P2RY6: variants seen among roughly 807,000 people sequenced by gnomAD.
The protein encoded by P2RY6 is pyrimidinergic receptor P2Y6.
P2RY6 carries 19 observed loss-of-function variants against 16.3 expected under a neutral mutation model. That is an observed-to-expected ratio of 1.16 (90% confidence interval 0.81 to 1.71). The LOEUF (loss-of-function observed/expected upper bound fraction) is 1.71. Among genes scored for constraint, P2RY6 ranks in the 40% most tolerant of loss-of-function variants. The pLI is 0.00. For missense variants in P2RY6, 389 were observed against 455.5 expected (o/e 0.85, Z 1.33); for synonymous variants, 184 against 201.5 (o/e 0.91, Z 0.74).
intron 1 of P2RY6, among the ~76,000 whole-genome samples, chr11:73,278,746 A>G (rs1275894393): frequency 6.6e-6 from 1 of 152,084 alleles, no homozygotes; most frequent in Middle Eastern, 3.2e-3. Context: ...TATATATCAC[A>G]TTTTATTTAT....
At chr11:73,283,365 C>T (rs1863839751) in intron 1 of P2RY6, among the ~76,000 whole-genome samples, 1 of 152,162 alleles carries the variant, frequency 6.6e-6, no homozygotes, top group Non-Finnish European at 1.5e-5. Context: ...CCAGTCACCT[C>T]CCTAATCCCC....
In P2RY6 at chr11:73,292,712, G is replaced by A. The variant is rs369209907; in HGVS notation, c.-120-3018G>A. 1.1e-4 allele frequency: 77 copies of A among 730,560 alleles called. 1 individual carries two copies. The highest frequency in any genetic ancestry group is 2.6e-4 in the East Asian group (2 of 7,620). 45.3% of individuals were successfully genotyped at this position (730,560 alleles called of 1,614,324 possible). On this transcript the variant is annotated intron_variant, in intron 1 of 2. Coordinates refer to ENST00000540124, the MANE Select transcript of P2RY6 (RefSeq NM_001277204.2). ...GCCCAGTTTCCGCCAGGCACTAGGC[G>A]TGGTGTTGGGGATGGCAGGGAGCCG...
chr11:73,296,700 C>T lies in P2RY6; in HGVS notation c.182C>T (p.Thr61Met), dbSNP rs146196636. ...ICTSRRALTR[T>M]AVYTLNLALA... is the part of the protein sequence containing the mutation. ...ACGTCCCGCCGGGCCCTGACCCGCACGGCCGTGTACACCCTAAACCTTGCT... is the reference window on the plus strand; with the variant it reads ...ACGTCCCGCCGGGCCCTGACCCGCATGGCCGTGTACACCCTAAACCTTGCT... Residue 61 changes from threonine to methionine, a missense_variant, in exon 3 of 3, where the codon ACG (threonine) becomes ATG (methionine). Physicochemically the swap from Thr to Met is moderately conservative, Grantham distance 81 (BLOSUM62 -1). Transcript: ENST00000540124. 1.9e-4 allele frequency: 301 copies of T among 1,613,864 alleles called. No homozygotes were observed. The highest frequency in any genetic ancestry group is 2.4e-4 in the Non-Finnish European group (281 of 1,180,002).
In P2RY6 at chr11:73,272,398, G is replaced by T. The variant is rs1863350589; in HGVS notation, c.-189G>T. 2 of 985,510 alleles carry T rather than the reference G, an allele frequency of 2.0e-6. No homozygotes were observed. The highest frequency in any genetic ancestry group is 1.1e-4 in the East Asian group (1 of 8,824). 61.0% of individuals were successfully genotyped at this position (985,510 alleles called of 1,614,324 possible). A position where few individuals can be genotyped will look rare whatever the true frequency, so the allele number is the denominator to read the frequency against. ...GGCACAGAACTGACTGGCAGCAGGG[G>T]CTGCTCCACGAGTGGGAATTTGCTC... On this transcript the variant is annotated 5_prime_UTR_variant, in exon 1 of 3. Coordinates refer to ENST00000540124, the MANE Select transcript of P2RY6 (RefSeq NM_001277204.2).
intron 1 of P2RY6, among the ~76,000 whole-genome samples, chr11:73,274,034 T>A (rs927469078): frequency 6.6e-6 from 1 of 152,174 alleles, no homozygotes; most frequent in African/African-American, 2.4e-5. Flanking sequence ...GATGGGGTTT[T>A]GCTATGTTGC....
intron 1 of P2RY6, among the ~76,000 whole-genome samples, chr11:73,264,810 C>A (rs1863049496): frequency 6.6e-6 from 1 of 151,884 alleles, no homozygotes; most frequent in Non-Finnish European, 1.5e-5. Context: ...TTACTGTGAG[C>A]GCGATCTGCA....
Position 73,297,522 on chromosome 11 carries a change from G to A in P2RY6, c.*17G>A. 1.3e-6 allele frequency: 2 copies of A among 1,590,076 alleles called. No homozygotes were observed. Among genetic ancestry groups the A allele is most frequent in the Non-Finnish European group, 8.6e-7 (1 of 1,163,144 alleles). The stretch of plus-strand genomic sequence containing the variant: ...GGTCGCTGAGTCCTCCAGGTCCTGG[G>A]CAGCCTTCATATTTGCCATTGTGTC... On this transcript the variant is annotated 3_prime_UTR_variant, in exon 3 of 3. Coordinates refer to ENST00000540124, the MANE Select transcript of P2RY6 (RefSeq NM_001277204.2).
rs150908498 is a variant in P2RY6 at position 73,297,444 on chromosome 11, G to A, written c.926G>A (p.Arg309His). The A allele has an allele frequency of 5.3e-5, 85 of 1,612,286 alleles. No homozygotes were observed. The highest frequency in any genetic ancestry group is 3.3e-4 in the Middle Eastern group (2 of 6,084). Residue 309 changes from arginine (R) to histidine (H), a missense_variant, in exon 3 of 3, where the codon CGC becomes CAC. Coordinates refer to ENST00000540124, the MANE Select transcript of P2RY6 (RefSeq NM_001277204.2). The stretch of plus-strand genomic sequence containing the variant: ...TTCTACTTCACCCAGAAGAAGTTCC[G>A]CCGGCGACCACATGAGCTCCTACAG... ...ILFYFTQKKF[R>H]RRPHELLQKL...
chr11:73,297,413 A>G lies in P2RY6; in HGVS notation c.895A>G (p.Ile299Val). Reference sequence around the variant, plus strand: ...CAGTGCCAACAGCGTGCTGGACCCCATCCTCTTCTACTTCACCCAGAAGAA... The same window carrying G: ...CAGTGCCAACAGCGTGCTGGACCCCGTCCTCTTCTACTTCACCCAGAAGAA... Reference protein sequence around the residue: ...FASANSVLDPILFYFTQKKFR... With the variant: ...FASANSVLDPVLFYFTQKKFR... The change falls in exon 3 of 3, where the codon ATC becomes GTC. Residue 299 changes from isoleucine to valine, a missense_variant. Coordinates refer to ENST00000540124, the MANE Select transcript of P2RY6 (RefSeq NM_001277204.2). 6.2e-7 allele frequency: 1 copy of G among 1,612,506 alleles called. No homozygotes were observed. Among genetic ancestry groups the G allele is most frequent in the Non-Finnish European group, 8.5e-7 (1 of 1,179,998 alleles).
chr11:73,268,246 G>A (rs1863170896), upstream of P2RY6, among the ~76,000 whole-genome samples: 1 of 152,232 alleles, frequency 6.6e-6, no homozygotes, highest in Admixed American at 6.5e-5. Context: ...TTCCTATGAT[G>A]GAAGGCAAAC....
rs1194195026 is a variant in P2RY6 at position 73,296,741 on chromosome 11, T to G, written c.223T>G (p.Tyr75Asp). Residue 75 changes from tyrosine to aspartate, a missense_variant, in exon 3 of 3, where the codon TAT (tyrosine) becomes GAT (aspartate). Coordinates refer to ENST00000540124, the MANE Select transcript of P2RY6 (RefSeq NM_001277204.2). ...TLNLALADLL[Y>D]ACSLPLLIYN... ...AAACCTTGCTCTGGCTGACCTGCTA[T>G]ATGCCTGCTCCCTGCCCCTGCTCAT... The G allele has an allele frequency of 1.9e-6, 3 of 1,613,704 alleles. No individual in the cohort carries two copies. Among genetic ancestry groups the G allele is most frequent in the Non-Finnish European group, 2.5e-6 (3 of 1,180,048 alleles).
intron 1 of P2RY6, among the ~76,000 whole-genome samples, chr11:73,290,351 GAAAGA>G (rs1565170753): frequency 1.6e-5 from 2 of 126,192 alleles, no homozygotes; most frequent in African/African-American, 3.1e-5. Flanking sequence ...AAGAAAGAAA[GAAAGA>G]AAGAAAGAAG....
In P2RY6 at chr11:73,290,366, GGAAA is replaced by G. The variant is rs1211135407; in HGVS notation, c.-120-5357_-120-5354del. 1.4e-3 allele frequency among the ~76,000 whole-genome samples: 123 copies of G among 85,646 alleles called. 1 individual carries two copies. Among genetic ancestry groups the G allele is most frequent in the African/African-American group, 6.3e-3 (118 of 18,668 alleles). 56.2% of individuals were successfully genotyped at this position (85,646 alleles called of 152,430 possible). ...AAGAAAGAAAGAAAGAAAGAAAGAA[GGAAA>G]GAAAGAGAAAGAAAGAAGGGAAGGA... On this transcript the variant is annotated intron_variant, in intron 1 of 2. Transcript: ENST00000540124.
upstream of P2RY6, among the ~76,000 whole-genome samples, chr11:73,268,955 G>A (rs1863194688): frequency 1.3e-5 from 2 of 152,200 alleles, no homozygotes; most frequent in African/African-American, 4.8e-5. Flanking sequence ...CCATTCCACA[G>A]CTGAGAAAAC....
rs1419570999 is a variant in P2RY6 at position 73,297,480 on chromosome 11, C to A, written c.962C>A (p.Ala321Asp). The A allele has an allele frequency of 6.2e-7, 1 of 1,609,834 alleles. No homozygotes were observed. Among genetic ancestry groups the A allele is most frequent in the East Asian group, 2.2e-5 (1 of 44,768 alleles). ...CATGAGCTCCTACAGAAACTCACAG[C>A]CAAATGGCAGAGGCAGGGTCGCTGA... ...RPHELLQKLT[A>D]KWQRQGR The change falls in exon 3 of 3, where the codon GCC (alanine) becomes GAC (aspartate). Residue 321 changes from alanine to aspartate, a missense_variant. Coordinates refer to ENST00000540124, the MANE Select transcript of P2RY6 (RefSeq NM_001277204.2).
chr11:73,274,178 C>A (rs1863434774), intron 1 of P2RY6, among the ~76,000 whole-genome samples: 1 of 152,146 alleles, frequency 6.6e-6, no homozygotes, highest in African/African-American at 2.4e-5. Flanking sequence ...AAATGGCTCT[C>A]CCAGAGTTAT....
At chr11:73,270,675 G>T (rs940045133), upstream of P2RY6, among the ~76,000 whole-genome samples, 3 of 152,216 alleles carry the variant, frequency 2.0e-5, no homozygotes, top group East Asian at 5.8e-4. Flanking sequence ...CTGGGAGTGG[G>T]GCACAAGCTC....
chr11:73,267,773 AC>A (rs1446531186), upstream of P2RY6, among the ~76,000 whole-genome samples: 1 of 152,112 alleles, frequency 6.6e-6, no homozygotes, highest in African/African-American at 2.4e-5. Context: ...TCCCATAGAA[AC>A]CTTTGCCTAC....
intron 1 of P2RY6, among the ~76,000 whole-genome samples, chr11:73,286,062 G>A (rs143068295): frequency 6.6e-6 from 1 of 152,356 alleles, no homozygotes; most frequent in Non-Finnish European, 1.5e-5. Flanking sequence ...TGGGAAGTAT[G>A]CAGGCAGGGG....
Sources: gnomAD v4.1 joint callset for allele counts (sites outside exome capture counted in the v4.1 genomes callset) on GRCh38, gnomAD v4.1.1 for gene constraint, MANE v1.5 for transcripts, NCBI Gene and HGNC (gene_info 2026-07-23, HGNC 2026-07-21) for gene names.